Variants in PTPRO observed in about 807,000 individuals in gnomAD.
PTPRO encodes receptor-type tyrosine-protein phosphatase O.
Under a neutral mutation model 145.2 loss-of-function variants are expected in PTPRO, and 62 were observed. The ratio of observed to expected loss-of-function variants is 0.43; its 90% CI spans 0.35 to 0.53. The LOEUF is 0.53. Among genes scored for constraint, PTPRO ranks in the 20% least tolerant of loss-of-function variants. The pLI is 0.01. For synonymous variants in PTPRO, 565 were observed against 514.7 expected (o/e 1.10, Z -1.32); for missense variants, 1,345 against 1,482.7 (o/e 0.91, Z 1.53).
chr12:15,451,793 T>G (rs1941052534), intron 1 of PTPRO, among the ~76,000 whole-genome samples: 1 of 152,162 alleles, frequency 6.6e-6, no homozygotes, highest in African/African-American at 2.4e-5. Context: ...TTATTTGAAC[T>G]GAACAATAAT....
At chr12:15,437,095 T>C (rs974573762) in intron 1 of PTPRO, among the ~76,000 whole-genome samples, 3 of 151,424 alleles carry the variant, frequency 2.0e-5, no homozygotes, top group East Asian at 2.0e-4. Context: ...ACACCACCCT[T>C]CCTTGATGTA....
At chr12:15,332,973 C>T (rs1209373136) in intron 1 of PTPRO, among the ~76,000 whole-genome samples, 2 of 152,212 alleles carry the variant, frequency 1.3e-5, no homozygotes, top group African/African-American at 2.4e-5. Context: ...GTTCTGTCCT[C>T]ATCCTCCATC....
Position 15,514,056 on chromosome 12 carries a change from T to C in PTPRO, c.1465-1442T>C, listed in dbSNP as rs577960797. On this transcript the variant is annotated intron_variant, in intron 7 of 26. Coordinates refer to ENST00000281171, the MANE Select transcript of PTPRO (RefSeq NM_030667.3). Reference sequence around the variant, plus strand: ...AACCTTTTAGTTGAATTATCAATTCTTGTGTGTGCCAACATTCAAATTTAA... The same window carrying C: ...AACCTTTTAGTTGAATTATCAATTCCTGTGTGTGCCAACATTCAAATTTAA... Among the ~76,000 whole-genome samples, 370 of 152,316 alleles carry C rather than the reference T, an allele frequency of 2.4e-3. 1 individual carries two copies. The highest frequency in any genetic ancestry group is 8.6e-3 in the African/African-American group (359 of 41,582).
At chr12:15,403,821 A>T (rs549491510) in intron 1 of PTPRO, among the ~76,000 whole-genome samples, 20 of 128,482 alleles carry the variant, frequency 1.6e-4, no homozygotes, top group African/African-American at 4.7e-4. Flanking sequence ...CATAGAATAG[A>T]CACACACACA....
intron 1 of PTPRO, among the ~76,000 whole-genome samples, chr12:15,396,946 T>C (rs1939357839): frequency 6.6e-6 from 1 of 152,172 alleles, no homozygotes; most frequent in South Asian, 2.1e-4. Flanking sequence ...CTATGGCTGA[T>C]ATAATTAAGT....
chr12:15,563,888 G>A (rs1391538398), intron 17 of PTPRO, among the ~76,000 whole-genome samples: 1 of 152,096 alleles, frequency 6.6e-6, no homozygotes, highest in Non-Finnish European at 1.5e-5. Flanking sequence ...AGTCATCTCC[G>A]CTGACATTCT....
At chr12:15,422,248 G>A (rs1349909474) in intron 1 of PTPRO, among the ~76,000 whole-genome samples, 1 of 152,106 alleles carries the variant, frequency 6.6e-6, no homozygotes, top group African/African-American at 2.4e-5. Flanking sequence ...TTGTACGAAA[G>A]GGTTTTAACC....
intron 19 of PTPRO, among the ~76,000 whole-genome samples, chr12:15,576,500 T>A (rs866834588): frequency 6.6e-6 from 1 of 152,222 alleles, no homozygotes. Context: ...CTCAATCTGT[T>A]TCCACCATTC....
At chr12:15,498,657 G>A (rs1300739135) in intron 3 of PTPRO, among the ~76,000 whole-genome samples, 1 of 88,906 alleles carries the variant, frequency 1.1e-5, no homozygotes, top group East Asian at 2.9e-4. Context: ...AAAGTATTAT[G>A]TTCTTTATTT....
At chr12:15,419,171 G>A (rs889105436) in intron 1 of PTPRO, among the ~76,000 whole-genome samples, 4 of 147,340 alleles carry the variant, frequency 2.7e-5, no homozygotes, top group Non-Finnish European at 4.4e-5. Context: ...ATATTCATGC[G>A]CTTATTGAAA....
intron 7 of PTPRO, among the ~76,000 whole-genome samples, chr12:15,514,254 C>T (rs1240142528): frequency 6.6e-6 from 1 of 151,944 alleles, no homozygotes; most frequent in African/African-American, 2.4e-5. Flanking sequence ...AGTCCAGAGA[C>T]CAGCCTGGCC....
chr12:15,380,316 A>G (rs1938818940), intron 1 of PTPRO, among the ~76,000 whole-genome samples: 1 of 152,162 alleles, frequency 6.6e-6, no homozygotes, highest in African/African-American at 2.4e-5. Flanking sequence ...AATTACGAAT[A>G]GGGAATTCAA....
rs557740227 is a variant in PTPRO, at chr12:15,403,958, G to A, written c.76-80016G>A. On this transcript the variant is annotated intron_variant, in intron 1 of 26. Coordinates refer to ENST00000281171, the MANE Select transcript of PTPRO (RefSeq NM_030667.3). ...CACACCTGTAATTCCAGCACTTTGG[G>A]AGGCCAAGGCGGGCAGATCAGAGGT... Among the ~76,000 whole-genome samples, 4 of 152,032 alleles carry A rather than the reference G, an allele frequency of 2.6e-5. No individual in the cohort carries two copies. The South Asian group carries it at 8.3e-4, about 32-fold the overall frequency.
At chr12:15,583,838 C>A (rs1191991825) in intron 23 of PTPRO, among the ~76,000 whole-genome samples, 4 of 152,136 alleles carry the variant, frequency 2.6e-5, no homozygotes, top group African/African-American at 9.7e-5. Context: ...CACTTCTTAG[C>A]CATTGTTAAT....
chr12:15,348,647 C>T (rs1937677146), intron 1 of PTPRO: 1 of 152,112 alleles, frequency 6.6e-6, no homozygotes, highest in Non-Finnish European at 1.5e-5. Flanking sequence ...ATTAACCGGG[C>T]GTGGTGGCGG....
intron 3 of PTPRO, 82 bp from the exon 4 acceptor site, chr12:15,499,360 A>G: frequency 1.5e-6 from 2 of 1,332,124 alleles, no homozygotes; most frequent in Non-Finnish European, 1.1e-6. Flanking sequence ...GTGAATGTTT[A>G]GCCATAATTG....
chr12:15,567,228 G>A (rs1458118504), intron 18 of PTPRO, among the ~76,000 whole-genome samples: 1 of 151,644 alleles, frequency 6.6e-6, no homozygotes, highest in Non-Finnish European at 1.5e-5. Flanking sequence ...TCCTTCTCTA[G>A]AAGACATTTC....
At chr12:15,342,051 T>C (rs2136217280) in intron 1 of PTPRO, among the ~76,000 whole-genome samples, 1 of 152,346 alleles carries the variant, frequency 6.6e-6, no homozygotes, top group Non-Finnish European at 1.5e-5. Flanking sequence ...AGATGTTTTC[T>C]TTTCCACATT....
chr12:15,396,173 T>C (rs1237795422), intron 1 of PTPRO, among the ~76,000 whole-genome samples: 1 of 152,134 alleles, frequency 6.6e-6, no homozygotes, highest in Non-Finnish European at 1.5e-5. Flanking sequence ...TGAATATATG[T>C]GATGTGTGTT....
Sources: gnomAD v4.1 joint callset for allele counts (sites outside exome capture counted in the v4.1 genomes callset) on GRCh38, gnomAD v4.1.1 for gene constraint, MANE v1.5 for transcripts, NCBI Gene and HGNC (gene_info 2026-07-23, HGNC 2026-07-21) for gene names.